RFTN1: variants seen among roughly 807,000 people sequenced by gnomAD.
RFTN1 encodes the protein raftlin.
RFTN1 carries 26 observed loss-of-function variants against 46.5 expected under a neutral mutation model. The ratio of observed to expected loss-of-function variants is 0.56; its 90% CI spans 0.41 to 0.78. RFTN1 has a LOEUF of 0.78. Among genes scored for constraint, RFTN1 ranks in the 30% least tolerant of loss-of-function variants. The probability of loss-of-function intolerance (pLI) is 0.00; values close to 1 mark genes in which losing one functional copy is unlikely to be tolerated. For synonymous variants in RFTN1, 261 were observed against 284.2 expected, an observed-to-expected ratio of 0.92 and a Z score of 0.82; for missense variants, 693 against 718.7, an observed-to-expected ratio of 0.96 and a Z score of 0.41.
In RFTN1 at chr3:16,425,855, G is replaced by A. The variant is rs1047987251; in HGVS notation, c.332+7996C>T. Among the ~76,000 whole-genome samples, 5 of 152,118 alleles carry A rather than the reference G, an allele frequency of 3.3e-5. No homozygotes were observed. The highest frequency in any genetic ancestry group is 5.9e-5 in the Non-Finnish European group (4 of 68,018). On this transcript the variant is annotated intron_variant, in intron 3 of 9. Transcript: ENST00000334133. The surrounding 1 kb of genome is among the most constrained non-coding windows in gnomAD (Gnocchi z 4.3). ...GGTGATGCTGGACAGCTCCTCAGGG[G>A]GTACGGTGGCAGCCCGGAGAGCTAA... is the stretch of plus-strand genomic sequence containing the variant.
chr3:16,511,053 T>C (rs920376128), intron 1 of RFTN1, among the ~76,000 whole-genome samples: 20 of 152,232 alleles, frequency 1.3e-4, no homozygotes, highest in African/African-American at 4.6e-4. Flanking sequence ...TCCATTTACA[T>C]GAAGTTCAAG....
chr3:16,412,432 G>T (rs920798341), intron 3 of RFTN1, among the ~76,000 whole-genome samples: 3 of 152,214 alleles, frequency 2.0e-5, no homozygotes, highest in African/African-American at 7.2e-5. Context: ...CAGTCACACA[G>T]AAACTCTCTC....
In RFTN1 at chr3:16,468,633, A is replaced by T. The variant is rs1482598667; in HGVS notation, c.145+25092T>A. On this transcript the variant is annotated intron_variant, in intron 2 of 9. Transcript: ENST00000334133. This position sits in a 1 kb window ranked among gnomAD's most constrained non-coding sequence, Gnocchi z 4.4. The stretch of plus-strand genomic sequence containing the variant: ...TCACGTACAACCCAGCGTTTGAGTA[A>T]AAAAAAAAAAAAAAAAAACTTTACT... 2.3e-5 allele frequency among the ~76,000 whole-genome samples: 2 copies of T among 88,848 alleles called. No individual in the cohort carries two copies. Among genetic ancestry groups the T allele is most frequent in the African/African-American group, 1.1e-4 (2 of 18,376 alleles). 58.3% of individuals were successfully genotyped at this position (88,848 alleles called of 152,430 possible).
At chr3:16,439,446 C>T (rs1016529824) in intron 2 of RFTN1, among the ~76,000 whole-genome samples, 1 of 152,140 alleles carries the variant, frequency 6.6e-6, no homozygotes, top group Admixed American at 6.5e-5. Context: ...TAGCTCCCTC[C>T]CCATCTCTTG....
intron 2 of RFTN1, chr3:16,482,795 T>TC: frequency 6.5e-7 from 1 of 1,536,108 alleles, no homozygotes; most frequent in Non-Finnish European, 8.7e-7. Context: ...GCTGCAGGGA[T>TC]CCCCAGAGAG....
rs1156361623 is a variant in RFTN1, at chr3:16,321,117, G to A, written c.1332+2259C>T. On this transcript the variant is annotated intron_variant, in intron 9 of 9. Transcript: ENST00000334133. This position sits in a 1 kb window ranked among gnomAD's most constrained non-coding sequence, Gnocchi z 4.8. Reference sequence around the variant, plus strand: ...GGTCAGCAGGGATAGCCCCTAAGGTGCAATGCCATTCCTCTAGATAGGGTG... The same window carrying A: ...GGTCAGCAGGGATAGCCCCTAAGGTACAATGCCATTCCTCTAGATAGGGTG... Among the ~76,000 whole-genome samples the A allele has an allele frequency of 6.6e-6, 1 of 152,122 alleles. No individual in the cohort carries two copies. The highest frequency in any genetic ancestry group is 2.4e-5 in the African/African-American group (1 of 41,418).
chr3:16,460,889 C>T lies in RFTN1; in HGVS notation c.146-26852G>A, dbSNP rs904538951. ...TTTCTTACCCTTCATAAGGCAGCCC[C>T]TACTCGAGGCTGGCCAGACTTCTTC... On this transcript the variant is annotated intron_variant, in intron 2 of 9. Coordinates refer to ENST00000334133, the MANE Select transcript of RFTN1 (RefSeq NM_015150.2). This position sits in a 1 kb window ranked among gnomAD's most constrained non-coding sequence, Gnocchi z 4.8. 1.1e-4 allele frequency among the ~76,000 whole-genome samples: 16 copies of T among 152,332 alleles called. No individual in the cohort carries two copies. Among genetic ancestry groups the T allele is most frequent in the Middle Eastern group, 3.4e-3 (1 of 294 alleles).
intron 2 of RFTN1, among the ~76,000 whole-genome samples, chr3:16,441,091 A>G (rs758625144): frequency 3.3e-5 from 5 of 152,134 alleles, no homozygotes; most frequent in Non-Finnish European, 7.4e-5. Flanking sequence ...TTAGAATCAC[A>G]TGATTGCATT....
Position 16,341,081 on chromosome 3 carries a change from A to G in RFTN1, c.1147-14205T>C, listed in dbSNP as rs879561728. Among the ~76,000 whole-genome samples the G allele has an allele frequency of 6.6e-6, 1 of 152,274 alleles. No homozygotes were observed. Among genetic ancestry groups the G allele is most frequent in the Non-Finnish European group, 1.5e-5 (1 of 68,042 alleles). On this transcript the variant is annotated intron_variant, in intron 7 of 9. Coordinates refer to ENST00000334133, the MANE Select transcript of RFTN1 (RefSeq NM_015150.2). This position sits in a 1 kb window ranked among gnomAD's most constrained non-coding sequence, Gnocchi z 4.7. Reference sequence around the variant, plus strand: ...AAGATGCTCAACATCATATGTCATTAGGGAAATGCAAATAAGACAGTCCAC... The same window carrying G: ...AAGATGCTCAACATCATATGTCATTGGGGAAATGCAAATAAGACAGTCCAC...
chr3:16,415,484 A>C (rs2075060933), intron 3 of RFTN1, among the ~76,000 whole-genome samples: 1 of 145,052 alleles, frequency 6.9e-6, no homozygotes, highest in Non-Finnish European at 1.5e-5. Flanking sequence ...TCTGGACTGC[A>C]GGAGAACGGT....
Position 16,509,598 on chromosome 3 carries a change from AAC to A in RFTN1, c.-9+3842_-9+3843del, listed in dbSNP as rs1224192805. 2.0e-5 allele frequency among the ~76,000 whole-genome samples: 3 copies of A among 152,210 alleles called. No individual in the cohort carries two copies. The highest frequency in any genetic ancestry group is 4.4e-5 in the Non-Finnish European group (3 of 68,028). On this transcript the variant is annotated intron_variant, in intron 1 of 9. Coordinates refer to ENST00000334133, the MANE Select transcript of RFTN1 (RefSeq NM_015150.2). The surrounding 1 kb of genome is among the most constrained non-coding windows in gnomAD (Gnocchi z 4.9). Reference sequence around the variant, plus strand: ...CAATATTAAAATCAGTAATAAAGAGAACAGTGTTAATACAATGAAAGTTTACA... The same window carrying A: ...CAATATTAAAATCAGTAATAAAGAGAAGTGTTAATACAATGAAAGTTTACA...
At chr3:16,505,524 G>A (rs182724831) in intron 1 of RFTN1, among the ~76,000 whole-genome samples, 1 of 152,344 alleles carries the variant, frequency 6.6e-6, no homozygotes, top group Admixed American at 6.5e-5. Context: ...GGGCTGACAA[G>A]TTTAAAATCT....
intron 4 of RFTN1, among the ~76,000 whole-genome samples, chr3:16,393,393 A>G (rs1016336978): frequency 1.3e-5 from 2 of 152,226 alleles, no homozygotes; most frequent in Non-Finnish European, 1.5e-5. Context: ...TCCAATGCAC[A>G]TAAGACAGAA....
At chr3:16,323,898 G>T (rs1441952237) in intron 8 of RFTN1, among the ~76,000 whole-genome samples, 1 of 152,194 alleles carries the variant, frequency 6.6e-6, no homozygotes, top group Admixed American at 6.5e-5. Context: ...TGCATCCAGG[G>T]TCTCAGCCAT....
At chr3:16,419,389 G>A (rs1426344233) in intron 3 of RFTN1, among the ~76,000 whole-genome samples, 1 of 152,194 alleles carries the variant, frequency 6.6e-6, no homozygotes, top group African/African-American at 2.4e-5. Flanking sequence ...AGATTAAGCA[G>A]GCGGCAGTGT....
Position 16,429,820 on chromosome 3 carries a change from T to A in RFTN1, c.332+4031A>T, listed in dbSNP as rs2075349679. ...AGGTTGATATCGAAGTTTCACAGAGTCATCTCATGGTGATTCTTGGTAATG... is the reference window on the plus strand; with the variant it reads ...AGGTTGATATCGAAGTTTCACAGAGACATCTCATGGTGATTCTTGGTAATG... On this transcript the variant is annotated intron_variant, in intron 3 of 9. Coordinates refer to ENST00000334133, the MANE Select transcript of RFTN1 (RefSeq NM_015150.2). This position sits in a 1 kb window ranked among gnomAD's most constrained non-coding sequence, Gnocchi z 6.4. Among the ~76,000 whole-genome samples the A allele has an allele frequency of 6.6e-6, 1 of 152,178 alleles. No individual in the cohort carries two copies. The highest frequency in any genetic ancestry group is 1.5e-5 in the Non-Finnish European group (1 of 68,032).
intron 6 of RFTN1, among the ~76,000 whole-genome samples, chr3:16,363,809 C>T (rs1478516132): frequency 1.3e-5 from 2 of 152,244 alleles, no homozygotes; most frequent in Non-Finnish European, 2.9e-5. Context: ...GGCGCCTTCT[C>T]TCCATCAGAG....
intron 2 of RFTN1, among the ~76,000 whole-genome samples, chr3:16,490,675 T>C (rs956994055): frequency 6.6e-6 from 1 of 152,234 alleles, no homozygotes; most frequent in Non-Finnish European, 1.5e-5. Flanking sequence ...GTCAGAAATG[T>C]GTACAAAGAT....
At chr3:16,340,023 C>T (rs1372337775) in intron 7 of RFTN1, among the ~76,000 whole-genome samples, 1 of 152,136 alleles carries the variant, frequency 6.6e-6, no homozygotes, top group Admixed American at 6.5e-5. Flanking sequence ...GGGTATTTTG[C>T]ATGTGGAAGT....
Sources: gnomAD v4.1 joint callset for allele counts (sites outside exome capture counted in the v4.1 genomes callset) on GRCh38, gnomAD v4.1.1 for gene constraint, Gnocchi (gnomAD v3.1) non-coding constraint, MANE v1.5 for transcripts, NCBI Gene and HGNC (gene_info 2026-07-23, HGNC 2026-07-21) for gene names.